YEATS2: variants seen among roughly 807,000 people sequenced by gnomAD.
YEATS2 encodes YEATS domain containing 2.
A neutral mutation model predicts 163.2 loss-of-function variants in YEATS2; 77 were observed. That is an observed-to-expected ratio of 0.47 (90% CI 0.39 to 0.57). YEATS2 has a LOEUF of 0.57. Ranked by LOEUF, YEATS2 falls within the 20% of genes least tolerant of loss-of-function variation. The probability of loss-of-function intolerance (pLI) is 0.00; values close to 1 mark genes in which losing one functional copy is unlikely to be tolerated. For synonymous variants in YEATS2, 631 were observed against 645.1 expected, an observed-to-expected ratio of 0.98 and a Z score of 0.33; for missense variants, 1,549 against 1,729.8, an observed-to-expected ratio of 0.90 and a Z score of 1.85.
At chr3:183,741,172 C>G (rs1718918837) in intron 8 of YEATS2, among the ~76,000 whole-genome samples, 1 of 151,958 alleles carries the variant, frequency 6.6e-6, no homozygotes, top group Non-Finnish European at 1.5e-5. Context: ...CTCCTGAACT[C>G]AAGTGATCCA....
rs2109348233 is a variant in YEATS2, at chr3:183,761,609, A to G, written c.1759A>G (p.Thr587Ala). 6.2e-7 allele frequency: 1 copy of G among 1,613,968 alleles called. No individual in the cohort carries two copies. The highest frequency in any genetic ancestry group is 8.5e-7 in the Non-Finnish European group (1 of 1,179,822). Residue 587 changes from threonine (T) to alanine (A), a missense_variant, in exon 14 of 31, where the codon ACA becomes GCA. Transcript: ENST00000305135. Reference sequence around the variant, plus strand: ...TATAACAGGAGGACTTGGAGCTTTCACAAAAGTGAGTATGTATTAGGGCAT... The same window carrying G: ...TATAACAGGAGGACTTGGAGCTTTCGCAAAAGTGAGTATGTATTAGGGCAT... ...KPITGGLGAF[T>A]KVIIKQEPGE...
chr3:183,790,574 C>G (rs1724527618), intron 20 of YEATS2, among the ~76,000 whole-genome samples: 1 of 151,986 alleles, frequency 6.6e-6, no homozygotes, highest in South Asian at 2.1e-4. Context: ...CATGATACTT[C>G]CTTGTTTTAA....
At chr3:183,777,737 G>A (rs756892448) in intron 19 of YEATS2, 37 bp downstream of exon 19, 6 of 1,581,872 alleles carry the variant, frequency 3.8e-6, no homozygotes, top group Non-Finnish European at 4.3e-6. Context: ...AATATGGGGT[G>A]ATTATGGCAT....
chr3:183,716,376 T>C (rs1715880640), intron 2 of YEATS2, among the ~76,000 whole-genome samples: 1 of 152,232 alleles, frequency 6.6e-6, no homozygotes, highest in African/African-American at 2.4e-5. Flanking sequence ...ATAGCTCAGA[T>C]GTTGCAGTTC....
intron 25 of YEATS2, chr3:183,802,001 G>GT: frequency 1.3e-5 from 2 of 157,110 alleles, no homozygotes; most frequent in Admixed American, 1.3e-4. Flanking sequence ...GCCACGGGTG[G>GT]TGAAACAGGA....
intron 1 of YEATS2, among the ~76,000 whole-genome samples, chr3:183,705,463 G>A (rs1471645654): frequency 6.6e-6 from 1 of 152,010 alleles, no homozygotes; most frequent in African/African-American, 2.4e-5. Context: ...CTATATTGTT[G>A]GATGTATAGT....
intron 13 of YEATS2, among the ~76,000 whole-genome samples, chr3:183,760,736 A>G (rs1341079175): frequency 6.6e-6 from 1 of 152,092 alleles, no homozygotes; most frequent in Admixed American, 6.6e-5. Flanking sequence ...TTTCCTTTGT[A>G]TTCTGGGTGT....
intron 8 of YEATS2, among the ~76,000 whole-genome samples, chr3:183,746,206 G>T (rs1433103705): frequency 6.6e-6 from 1 of 152,002 alleles, no homozygotes; most frequent in East Asian, 1.9e-4. Context: ...GAGACTACGG[G>T]AACATGCCAC....
intron 6 of YEATS2, among the ~76,000 whole-genome samples, chr3:183,724,832 C>T (rs539543070): frequency 8.5e-5 from 13 of 152,144 alleles, no homozygotes; most frequent in East Asian, 5.8e-4. Context: ...AACCTCCCCC[C>T]GCCCGGGTTC....
At chr3:183,790,743 C>A in intron 20 of YEATS2, 54 bp from the exon 21 acceptor site, 1 of 1,582,524 alleles carries the variant, frequency 6.3e-7, no homozygotes, top group South Asian at 1.1e-5. Flanking sequence ...CGCCGTCAGT[C>A]ATCACTCTGC....
chr3:183,761,395 T>C, intron 13 of YEATS2, 112 bp from the exon 14 acceptor site: 1 of 1,078,330 alleles, frequency 9.3e-7, no homozygotes, highest in Non-Finnish European at 1.4e-6. Context: ...CCAGTCTTTT[T>C]ATTTCTTTAT....
chr3:183,807,190 C>T (rs1726304144), intron 28 of YEATS2, 98 bp downstream of exon 28: 1 of 1,069,872 alleles, frequency 9.3e-7, no homozygotes, highest in Non-Finnish European at 1.4e-6. Context: ...TGTTCAGCCT[C>T]ACAGACACAG....
chr3:183,717,607 A>C, intron 2 of YEATS2, 44 bp from the exon 3 acceptor site: 1 of 1,346,060 alleles, frequency 7.4e-7, no homozygotes, highest in Non-Finnish European at 1.0e-6. Flanking sequence ...AAAGACAGTC[A>C]CTGATTAATT....
chr3:183,758,208 T>C (rs1228008160), intron 12 of YEATS2, among the ~76,000 whole-genome samples: 1 of 152,062 alleles, frequency 6.6e-6, no homozygotes, highest in South Asian at 2.1e-4. Flanking sequence ...AATAGAAAAA[T>C]TAGCCAGGTG....
chr3:183,710,372 T>G (rs1715074289), intron 1 of YEATS2, among the ~76,000 whole-genome samples: 1 of 152,224 alleles, frequency 6.6e-6, no homozygotes, highest in Non-Finnish European at 1.5e-5. Context: ...TCAGCAGATG[T>G]GCCTAGTCTT....
intron 18 of YEATS2, among the ~76,000 whole-genome samples, chr3:183,777,055 C>T (rs966681429): frequency 2.0e-5 from 3 of 151,694 alleles, no homozygotes; most frequent in Admixed American, 6.6e-5. Flanking sequence ...AGGTAATAAA[C>T]AGTATTAATG....
rs78877492 is a variant in YEATS2 at position 183,808,210 on chromosome 3, G to A, written c.4086+106G>A. On this transcript the variant is annotated intron_variant, in intron 29 of 30. Transcript: ENST00000305135. ...GAACAAAGATAACAGGCTTTAAAAT[G>A]TCTCGTCTTATTTGGGCTTAAGTTC... The A allele has an allele frequency of 1.9e-3, 1,757 of 916,714 alleles. 21 individuals carry two copies. In the African/African-American group the frequency reaches 0.027, roughly 14 times the overall value. The allele number at this position is 916,714 out of a possible 1,614,324, so 56.8% of individuals were successfully genotyped here.
intron 26 of YEATS2, 194 bp downstream of exon 26, chr3:183,803,529 C>T: frequency 3.3e-6 from 2 of 613,514 alleles, no homozygotes; most frequent in Non-Finnish European, 5.7e-6. Context: ...CTGGCAGAAA[C>T]ATCCCTCACA....
In YEATS2 at chr3:183,738,757, A is replaced by G. The variant is rs830171; in HGVS notation, c.924+1928A>G. Among the ~76,000 whole-genome samples, 887 of 119,182 alleles carry G rather than the reference A, an allele frequency of 7.4e-3. 3 individuals carry two copies. Among genetic ancestry groups the G allele is most frequent in the Non-Finnish European group, 0.013 (762 of 58,050 alleles). 78.2% of individuals were successfully genotyped at this position (119,182 alleles called of 152,430 possible). A position where few individuals can be genotyped will look rare whatever the true frequency, so the allele number is the denominator to read the frequency against. ...TCATCATTTTTTATGGCTGCATAGTATTCCATGGTGTATATGTGCCACATT... is the reference window on the plus strand; with the variant it reads ...TCATCATTTTTTATGGCTGCATAGTGTTCCATGGTGTATATGTGCCACATT... On this transcript the variant is annotated intron_variant, in intron 8 of 30. Transcript: ENST00000305135.
Sources: gnomAD v4.1 joint callset for allele counts (sites outside exome capture counted in the v4.1 genomes callset) on GRCh38, gnomAD v4.1.1 for gene constraint, MANE v1.5 for transcripts, NCBI Gene and HGNC (gene_info 2026-07-23, HGNC 2026-07-21) for gene names.